The following CRY1 variants were observed in gnomAD, a reference collection of about 807,000 sequenced individuals.
CRY1 encodes the protein cryptochrome-1.
A neutral mutation model predicts 76.0 loss-of-function variants in CRY1; 45 were observed. That is an observed-to-expected ratio of 0.59 (90% CI 0.47 to 0.76). The LOEUF (loss-of-function observed/expected upper bound fraction) is 0.76. Ranked by LOEUF, CRY1 falls within the 30% of genes least tolerant of loss-of-function variation. CRY1 has a pLI of 0.00. For missense variants in CRY1, 587 were observed against 716.4 expected, an observed-to-expected ratio of 0.82 and a Z score of 2.06; for synonymous variants, 248 against 244.0, an observed-to-expected ratio of 1.02 and a Z score of -0.15.
chr12:107,087,000 CAAAGAAAGAAAGAA>C (rs1471953166), intron 1 of CRY1, among the ~76,000 whole-genome samples: 12 of 139,816 alleles, frequency 8.6e-5, no homozygotes, highest in Admixed American at 5.0e-4. Flanking sequence ...AAGAAAGAAA[CAAAGAAAGAAAGAA>C]AAAGAAAGAA....
chr12:107,033,376 G>A (rs73386644), intron 1 of CRY1, among the ~76,000 whole-genome samples: 8,033 of 152,136 alleles, frequency 0.053, 339 homozygotes, highest in African/African-American at 0.11. Flanking sequence ...CTCATAAAAA[G>A]GATAGACAGA....
At chr12:107,072,070 G>C (rs1004136867) in intron 1 of CRY1, among the ~76,000 whole-genome samples, 1 of 152,186 alleles carries the variant, frequency 6.6e-6, no homozygotes, top group Admixed American at 6.5e-5. Context: ...GTATAGTCAA[G>C]TCTAAGGATT....
intron 2 of CRY1, among the ~76,000 whole-genome samples, chr12:107,009,339 G>C (rs1952411949): frequency 6.6e-6 from 1 of 151,684 alleles, no homozygotes; most frequent in Non-Finnish European, 1.5e-5. Context: ...AGGAGTTTGA[G>C]ACCACTCTGG....
At chr12:107,078,172 A>T (rs1953280901) in intron 1 of CRY1, among the ~76,000 whole-genome samples, 1 of 152,226 alleles carries the variant, frequency 6.6e-6, no homozygotes, top group African/African-American at 2.4e-5. Flanking sequence ...TCAGTTTTCT[A>T]CAACTTAACT....
intron 1 of CRY1, among the ~76,000 whole-genome samples, chr12:107,081,085 A>C (rs1281642221): frequency 2.0e-5 from 3 of 152,144 alleles, no homozygotes; most frequent in Non-Finnish European, 4.4e-5. Flanking sequence ...AAGAGACAGC[A>C]GTATCTCTTC....
In CRY1 at chr12:107,063,469, A is replaced by C. The variant is rs560044436; in HGVS notation, c.158+29335T>G. 1.3e-3 allele frequency among the ~76,000 whole-genome samples: 200 copies of C among 152,290 alleles called. 4 individuals carry two copies. Among genetic ancestry groups the C allele is most frequent in the Admixed American group, 0.012 (190 of 15,288 alleles). On this transcript the variant is annotated intron_variant, in intron 1 of 12. Coordinates refer to ENST00000008527, the MANE Select transcript of CRY1 (RefSeq NM_004075.5). ...ACCACTTAAAGCTATGTTTGGGGCA[A>C]GTTTTTCAATGCTGACATGGAGATT...
chr12:107,028,498 T>C (rs1952640191), intron 1 of CRY1, among the ~76,000 whole-genome samples: 1 of 152,166 alleles, frequency 6.6e-6, no homozygotes, highest in Admixed American at 6.5e-5. Context: ...TATTTTGCAA[T>C]GCCCTCTTTT....
chr12:107,022,093 C>A lies in CRY1; in HGVS notation c.258G>T (p.Arg86Ser). The A allele has an allele frequency of 6.3e-7, 1 of 1,599,048 alleles. No homozygotes were observed. Among genetic ancestry groups the A allele is most frequent in the Non-Finnish European group, 8.5e-7 (1 of 1,172,240 alleles). Residue 86 changes from arginine (R) to serine (S), a missense_variant, in exon 2 of 13, where the codon AGG becomes AGT. By Grantham distance (110) the Arg-to-Ser change is moderately radical (BLOSUM62 -1). Coordinates refer to ENST00000008527, the MANE Select transcript of CRY1 (RefSeq NM_004075.5). Reference sequence around the variant, plus strand: ...ATATTTTTCAAATTACCTTGAAAAGCCTGGGAAACACATCTGCTGGTTGTC... The same window carrying A: ...ATATTTTTCAAATTACCTTGAAAAGACTGGGAAACACATCTGCTGGTTGTC... ...IRGQPADVFP[R>S]LFKEWNITKL...
chr12:107,088,354 C>T (rs1161002973), intron 1 of CRY1, among the ~76,000 whole-genome samples: 2 of 152,200 alleles, frequency 1.3e-5, no homozygotes, highest in Non-Finnish European at 2.9e-5. Flanking sequence ...TAAAAGCTTT[C>T]TGAGGTCCTC....
intron 1 of CRY1, among the ~76,000 whole-genome samples, chr12:107,055,642 AAAGAC>A (rs1472456158): frequency 6.6e-6 from 1 of 152,166 alleles, no homozygotes; most frequent in Non-Finnish European, 1.5e-5. Flanking sequence ...GGTTGTCTGA[AAAGAC>A]AATAAAACTA....
Position 107,001,813 on chromosome 12 carries a change from C to CAG in CRY1, c.544_545dup (p.Ser183CysfsTer17). Reference sequence around the variant, plus strand: ...CATATTTCTCATCATGGTCATCAGACAGAGGAGTTGTGCACTTTTCTATCA... The same window carrying CAG: ...CATATTTCTCATCATGGTCATCAGACAGAGAGGAGTTGTGCACTTTTCTATCA... On this transcript the variant is annotated frameshift_variant, in exon 4 of 13. Coordinates refer to ENST00000008527, the MANE Select transcript of CRY1 (RefSeq NM_004075.5). LOFTEE classifies it high-confidence loss of function. 1 of 1,588,350 alleles carries CAG rather than the reference C, an allele frequency of 6.3e-7. No homozygotes were observed.
chr12:107,035,109 ATAATGCTTTTCTGTAGTC>A (rs1417341661), intron 1 of CRY1, among the ~76,000 whole-genome samples: 1 of 152,250 alleles, frequency 6.6e-6, no homozygotes, highest in Non-Finnish European at 1.5e-5. Flanking sequence ...AGATCTATGA[ATAATGCTTTTCTGTAGTC>A]TAACAGCCCT....
At chr12:107,032,505 T>TAC (rs201793898) in intron 1 of CRY1, among the ~76,000 whole-genome samples, 5 of 111,018 alleles carry the variant, frequency 4.5e-5, no homozygotes, top group Non-Finnish European at 6.2e-5. Flanking sequence ...AGATAACTGT[T>TAC]ACAGACACAC....
chr12:107,071,694 A>G (rs923909306), intron 1 of CRY1, among the ~76,000 whole-genome samples: 1 of 152,220 alleles, frequency 6.6e-6, no homozygotes, highest in Non-Finnish European at 1.5e-5. Flanking sequence ...AGTCGAAGAA[A>G]GAAAAAGAAG....
chr12:107,034,579 T>A (rs1952713118), intron 1 of CRY1, among the ~76,000 whole-genome samples: 1 of 152,320 alleles, frequency 6.6e-6, no homozygotes, highest in South Asian at 2.1e-4. Flanking sequence ...TCTGGTAACA[T>A]GACATTCAAA....
intron 1 of CRY1, among the ~76,000 whole-genome samples, chr12:107,047,576 T>C (rs112592643): frequency 0.011 from 1,709 of 152,284 alleles, 44 homozygotes; most frequent in African/African-American, 0.039. Context: ...CAAGATCTGA[T>C]GATTTTATAA....
At chr12:106,992,943 T>C (rs747933020) in intron 11 of CRY1, 22 bp downstream of exon 11, 18 of 1,614,068 alleles carry the variant, frequency 1.1e-5, no homozygotes, top group Non-Finnish European at 1.5e-5. Context: ...AAGAACAGTA[T>C]GCTCCAATGC....
chr12:107,004,335 A>T (rs1344791849), intron 3 of CRY1, among the ~76,000 whole-genome samples: 1 of 152,216 alleles, frequency 6.6e-6, no homozygotes, highest in Non-Finnish European at 1.5e-5. Context: ...CTAGTTTGTC[A>T]TGTTACAGAA....
intron 1 of CRY1, among the ~76,000 whole-genome samples, chr12:107,083,492 C>G (rs1218954078): frequency 6.6e-6 from 1 of 152,144 alleles, no homozygotes; most frequent in Non-Finnish European, 1.5e-5. Flanking sequence ...AGCTTATCCA[C>G]ACGATCAAGG....
Sources: allele counts gnomAD v4.1 joint callset (sites outside exome capture counted in the v4.1 genomes callset), GRCh38; gene constraint gnomAD v4.1.1; transcripts MANE v1.5; gene names NCBI Gene and HGNC (gene_info 2026-07-23, HGNC 2026-07-21).